Variants in CHST9 observed in about 807,000 individuals in gnomAD.
CHST9 encodes the protein carbohydrate sulfotransferase 9, also known as GalNAc-4-sulfotransferase 2.
CHST9 carries 41 observed loss-of-function variants against 44.4 expected under a neutral mutation model. That is an observed-to-expected ratio of 0.92 (90% CI 0.72 to 1.20). CHST9 has a LOEUF of 1.20. Ranked by LOEUF, CHST9 falls within the 50% of genes most tolerant of loss-of-function variation. The probability of loss-of-function intolerance (pLI) is 0.00; values close to 1 mark genes in which losing one functional copy is unlikely to be tolerated. For synonymous variants in CHST9, 171 were observed against 178.4 expected, an observed-to-expected ratio of 0.96 and a Z score of 0.33; for missense variants, 504 against 516.5, an observed-to-expected ratio of 0.98 and a Z score of 0.23.
intron 4 of CHST9, among the ~76,000 whole-genome samples, chr18:26,971,902 G>C (rs7243368): frequency 0.64 from 97,638 of 151,832 alleles, 31,819 homozygotes; most frequent in African/African-American, 0.73. Flanking sequence ...TCCAGTCTCT[G>C]AAGGGGAACA....
chr18:26,921,624 ATC>A (rs2055655926), intron 5 of CHST9, among the ~76,000 whole-genome samples: 1 of 152,148 alleles, frequency 6.6e-6, no homozygotes, highest in South Asian at 2.1e-4. Flanking sequence ...CATTACTAAA[ATC>A]ATAGCTAATG....
At chr18:27,074,186 G>C (rs6508468) in intron 2 of CHST9, among the ~76,000 whole-genome samples, 2 of 152,108 alleles carry the variant, frequency 1.3e-5, no homozygotes, top group Non-Finnish European at 2.9e-5. Flanking sequence ...GTTACAAAGC[G>C]TGGAAGCAAC....
At position 26,912,159 on chromosome 18, in the gene CHST9, C is replaced by T. The variant is rs1411710082; in HGVS notation, c.*4100G>A. On this transcript the variant is annotated 3_prime_UTR_variant, in exon 6 of 6. Transcript: ENST00000618847. The stretch of plus-strand genomic sequence containing the variant: ...CTGGTCTTGTAGCTGTCTGGAATTT[C>T]TTGTCAAAGAAATGATATTTTGTTT... The T allele has an allele frequency of 6.6e-6, 1 of 152,076 alleles. No individual in the cohort carries two copies. Among genetic ancestry groups the T allele is most frequent in the Non-Finnish European group, 1.5e-5 (1 of 68,016 alleles). The allele number at this position is 152,076 out of a possible 1,614,324, so 9.4% of individuals were successfully genotyped here. A position where few individuals can be genotyped will look rare whatever the true frequency, so the allele number is the denominator to read the frequency against.
intron 2 of CHST9, among the ~76,000 whole-genome samples, chr18:27,050,971 T>A (rs1204751770): frequency 1.3e-5 from 2 of 152,236 alleles, no homozygotes; most frequent in African/African-American, 4.8e-5. Context: ...AATAATATGG[T>A]GTAGTGATCA....
At chr18:26,940,607 A>C (rs2145109097) in intron 5 of CHST9, among the ~76,000 whole-genome samples, 1 of 152,312 alleles carries the variant, frequency 6.6e-6, no homozygotes, top group African/African-American at 2.4e-5. Context: ...TGGATGAAGC[A>C]GGGGTTATGG....
At chr18:27,050,174 T>C (rs913940815) in intron 2 of CHST9, among the ~76,000 whole-genome samples, 4 of 152,168 alleles carry the variant, frequency 2.6e-5, no homozygotes, top group South Asian at 2.1e-4. Context: ...GCTGAGGACA[T>C]GGCTTCTTGT....
chr18:27,053,270 GAAGGA>G lies in CHST9; in HGVS notation c.122-4772_122-4768del, dbSNP rs1568151250. 2.1e-3 allele frequency among the ~76,000 whole-genome samples: 259 copies of G among 121,356 alleles called. 6 individuals carry two copies. Among genetic ancestry groups the G allele is most frequent in the African/African-American group, 6.8e-3 (216 of 31,962 alleles). The allele number at this position is 121,356 out of a possible 152,430, so 79.6% of individuals were successfully genotyped here. ...AGAAGAAGAAGAAGAAGGAGAAGGAGAAGGAGAAGGAGAAGGAGAAGGAGAAGGAG... is the reference window on the plus strand; with the variant it reads ...AGAAGAAGAAGAAGAAGGAGAAGGAGGAAGGAGAAGGAGAAGGAGAAGGAG... On this transcript the variant is annotated intron_variant, in intron 2 of 5. Transcript: ENST00000618847.
At chr18:26,973,755 G>C (rs916352029) in intron 4 of CHST9, among the ~76,000 whole-genome samples, 2 of 152,106 alleles carry the variant, frequency 1.3e-5, no homozygotes, top group Non-Finnish European at 2.9e-5. Flanking sequence ...TGAGCATGCT[G>C]GGCCCTTATA....
intron 2 of CHST9, among the ~76,000 whole-genome samples, chr18:27,085,036 T>C (rs917102955): frequency 6.6e-6 from 1 of 152,112 alleles, no homozygotes; most frequent in South Asian, 2.1e-4. Flanking sequence ...GGTTCTTATC[T>C]TATTGGGAAT....
intron 1 of CHST9, among the ~76,000 whole-genome samples, chr18:27,161,870 CT>C (rs1235512451): frequency 6.6e-6 from 1 of 152,038 alleles, no homozygotes; most frequent in African/African-American, 2.4e-5. Context: ...TAATGGCCTT[CT>C]TTGTCTCTTT....
At chr18:27,161,502 A>C (rs1166181703) in intron 1 of CHST9, among the ~76,000 whole-genome samples, 1 of 152,110 alleles carries the variant, frequency 6.6e-6, no homozygotes, top group East Asian at 1.9e-4. Context: ...CTATTCTTTT[A>C]CATTTGCTGA....
chr18:27,044,464 T>C (rs1042719569), intron 3 of CHST9, among the ~76,000 whole-genome samples: 8 of 152,032 alleles, frequency 5.3e-5, no homozygotes, highest in Admixed American at 3.3e-4. Flanking sequence ...TTAAGCTTGA[T>C]TCTAACTGGA....
At chr18:27,130,902 T>TA (rs1353054085) in intron 2 of CHST9, among the ~76,000 whole-genome samples, 3 of 152,120 alleles carry the variant, frequency 2.0e-5, no homozygotes, top group African/African-American at 7.2e-5. Context: ...GAAAATGGAA[T>TA]ACATGCATGT....
intron 5 of CHST9, chr18:26,928,138 G>A (rs771604273): frequency 2.0e-5 from 3 of 152,852 alleles, no homozygotes; most frequent in Non-Finnish European, 2.9e-5. Context: ...GCATCTCAAG[G>A]CAGAAGAATT....
intron 2 of CHST9, among the ~76,000 whole-genome samples, chr18:27,136,239 T>C (rs962963702): frequency 1.3e-5 from 2 of 152,174 alleles, no homozygotes; most frequent in Non-Finnish European, 2.9e-5. Flanking sequence ...TCCAGAGCAA[T>C]GGAGAAGGCT....
rs10641983 is a variant in CHST9, at chr18:26,956,311, CAAAA to C, written c.203-11949_203-11946del. Reference sequence around the variant, plus strand: ...TGGGCGACAGAGTGAGACTCTGTCTCAAAAAAAAAAAAAAAATATATATATATAT... The same window carrying C: ...TGGGCGACAGAGTGAGACTCTGTCTCAAAAAAAAAAAATATATATATATAT... On this transcript the variant is annotated intron_variant, in intron 4 of 5. Coordinates refer to ENST00000618847, the MANE Select transcript of CHST9 (RefSeq NM_031422.6). 4.2e-3 allele frequency among the ~76,000 whole-genome samples: 477 copies of C among 112,382 alleles called. 13 individuals carry two copies. Among genetic ancestry groups the C allele is most frequent in the Non-Finnish European group, 2.9e-3 (154 of 53,962 alleles). The allele number at this position is 112,382 out of a possible 152,430, so 73.7% of individuals were successfully genotyped here.
At chr18:27,077,507 T>C (rs905778767) in intron 2 of CHST9, among the ~76,000 whole-genome samples, 3 of 152,200 alleles carry the variant, frequency 2.0e-5, no homozygotes, top group African/African-American at 7.2e-5. Flanking sequence ...TAAAACCTTG[T>C]TAAATCAGAG....
chr18:27,176,215 A>C lies in CHST9; in HGVS notation c.-97+8921T>G, dbSNP rs188422590. Reference sequence around the variant, plus strand: ...GAGTTTTGGTCTTTATCTTAAGCAAAGCAATGGTAATTCATTTAAGTGTTA... The same window carrying C: ...GAGTTTTGGTCTTTATCTTAAGCAACGCAATGGTAATTCATTTAAGTGTTA... On this transcript the variant is annotated intron_variant, in intron 1 of 5. Transcript: ENST00000618847. Among the ~76,000 whole-genome samples, 13 of 152,142 alleles carry C rather than the reference A, an allele frequency of 8.5e-5. No homozygotes were observed. The East Asian group carries it at 2.5e-3, about 29-fold the overall frequency.
intron 2 of CHST9, among the ~76,000 whole-genome samples, chr18:27,131,287 C>T (rs546753806): frequency 1.1e-4 from 17 of 152,254 alleles, no homozygotes; most frequent in East Asian, 5.8e-4. Context: ...TGGTGGCGCA[C>T]GCCTGTAATC....
Sources: allele counts gnomAD v4.1 joint callset (sites outside exome capture counted in the v4.1 genomes callset), GRCh38; gene constraint gnomAD v4.1.1; transcripts MANE v1.5; gene names NCBI Gene and HGNC (gene_info 2026-07-23, HGNC 2026-07-21).